The following DNAJC6 variants were observed in gnomAD, a reference collection of about 807,000 sequenced individuals.
DNAJC6 encodes the protein auxilin.
A neutral mutation model predicts 110.0 loss-of-function variants in DNAJC6; 34 were observed. That is an observed-to-expected ratio of 0.31 (90% CI 0.24 to 0.41). The LOEUF is 0.41. DNAJC6 is among the 10% of genes least tolerant of loss of function. The pLI, the probability that DNAJC6 is intolerant of heterozygous loss-of-function variation, is 1.00. For synonymous variants in DNAJC6, 406 were observed against 437.2 expected (o/e 0.93, Z 0.89); for missense variants, 1,031 against 1,207.8 (o/e 0.85, Z 2.17).
intron 1 of DNAJC6, among the ~76,000 whole-genome samples, chr1:65,335,095 C>T (rs916601799): frequency 6.6e-6 from 1 of 151,044 alleles, no homozygotes; most frequent in African/African-American, 2.4e-5. Flanking sequence ...GTGATCAAAT[C>T]AACTATGTCT....
intron 6 of DNAJC6, among the ~76,000 whole-genome samples, chr1:65,385,157 G>A (rs1193887865): frequency 6.6e-6 from 1 of 152,142 alleles, no homozygotes; most frequent in Non-Finnish European, 1.5e-5. Flanking sequence ...AAAGGGAAAT[G>A]CAAAAATACA....
intron 1 of DNAJC6, among the ~76,000 whole-genome samples, chr1:65,350,367 G>T (rs6588134): frequency 0.72 from 110,189 of 152,146 alleles, 41,318 homozygotes; most frequent in African/African-American, 0.93. Flanking sequence ...TTCTTTGCTG[G>T]TAGCTCATTA....
At position 65,337,193 on chromosome 1, in the gene DNAJC6, G is replaced by A. The variant is rs181910158; in HGVS notation, c.193+27255G>A. On this transcript the variant is annotated intron_variant, in intron 1 of 18. Coordinates refer to ENST00000371069, the MANE Select transcript of DNAJC6 (RefSeq NM_001256864.2). ...TTTTTGCAAGACTATCTCGTAGGTC[G>A]TGTTTTGTATTTCCATCGGGGATAT... 2.0e-3 allele frequency among the ~76,000 whole-genome samples: 295 copies of A among 148,768 alleles called. 1 individual carries two copies. The highest frequency in any genetic ancestry group is 7.1e-3 in the African/African-American group (284 of 40,262).
intron 1 of DNAJC6, among the ~76,000 whole-genome samples, chr1:65,322,396 A>G (rs1031367344): frequency 1.3e-5 from 2 of 152,206 alleles, no homozygotes; most frequent in African/African-American, 4.8e-5. Context: ...TATATAATGT[A>G]CACTTGAATT....
chr1:65,387,305 A>G (rs1052034246), intron 8 of DNAJC6, among the ~76,000 whole-genome samples: 1 of 152,260 alleles, frequency 6.6e-6, no homozygotes, highest in Non-Finnish European at 1.5e-5. Flanking sequence ...AAAAATTGAG[A>G]TAAAACCACA....
At chr1:65,380,904 G>GTTTTT (rs1557551972) in intron 5 of DNAJC6, among the ~76,000 whole-genome samples, 10 of 107,050 alleles carry the variant, frequency 9.3e-5, no homozygotes, top group African/African-American at 5.0e-4. Context: ...TTTTTTTTTT[G>GTTTTT]TTTTTTGTTT....
chr1:65,332,989 C>G (rs1299335351), intron 1 of DNAJC6, among the ~76,000 whole-genome samples: 1 of 152,092 alleles, frequency 6.6e-6, no homozygotes, highest in African/African-American at 2.4e-5. Context: ...ATGGTGGATT[C>G]TTTTATTTAC....
At chr1:65,292,728 C>T (rs1056241676) in intron 1 of DNAJC6, among the ~76,000 whole-genome samples, 5 of 152,162 alleles carry the variant, frequency 3.3e-5, no homozygotes, top group Non-Finnish European at 7.3e-5. Flanking sequence ...AGCCATTAGA[C>T]CCAGCCAGTT....
chr1:65,371,638 C>T (rs1645707155), intron 4 of DNAJC6, among the ~76,000 whole-genome samples: 1 of 152,166 alleles, frequency 6.6e-6, no homozygotes, highest in Admixed American at 6.6e-5. Context: ...TTCTGCCCAT[C>T]CTGTCTTGGG....
intron 1 of DNAJC6, among the ~76,000 whole-genome samples, chr1:65,330,134 C>T (rs190051037): frequency 6.6e-6 from 1 of 152,300 alleles, no homozygotes; most frequent in East Asian, 1.9e-4. Context: ...AGTCTTTCCT[C>T]ATGAGATGGG....
Position 65,337,211 on chromosome 1 carries a change from G to A in DNAJC6, c.193+27273G>A, listed in dbSNP as rs76646528. ...GTAGGTCGTGTTTTGTATTTCCATC[G>A]GGGATATACAATGTGTGGTTGTTTC... On this transcript the variant is annotated intron_variant, in intron 1 of 18. Coordinates refer to ENST00000371069, the MANE Select transcript of DNAJC6 (RefSeq NM_001256864.2). Among the ~76,000 whole-genome samples the A allele has an allele frequency of 4.2e-3, 629 of 149,318 alleles. 5 individuals are homozygous for A. Among genetic ancestry groups the A allele is most frequent in the African/African-American group, 0.015 (613 of 40,454 alleles).
intron 1 of DNAJC6, among the ~76,000 whole-genome samples, chr1:65,311,768 A>G (rs1470409235): frequency 1.3e-5 from 2 of 152,238 alleles, no homozygotes; most frequent in African/African-American, 4.8e-5. Context: ...AATGAAAGAA[A>G]TATGAAATAC....
chr1:65,389,760 C>A, intron 11 of DNAJC6, 133 bp downstream of exon 11: 1 of 936,250 alleles, frequency 1.1e-6, no homozygotes, highest in Non-Finnish European at 1.6e-6. Flanking sequence ...CGGACTCCCA[C>A]CTGTAAGCCC....
intron 1 of DNAJC6, among the ~76,000 whole-genome samples, chr1:65,345,274 CCCATTAGGATCTCCT>C (rs1645426877): frequency 6.8e-6 from 1 of 147,928 alleles, no homozygotes; most frequent in South Asian, 2.1e-4. Context: ...GTGTATTTTG[CCCATTAGGATCTCCT>C]CCACTTTCCC....
At chr1:65,337,363 A>T (rs1645347695) in intron 1 of DNAJC6, among the ~76,000 whole-genome samples, 1 of 150,642 alleles carries the variant, frequency 6.6e-6, no homozygotes, top group Admixed American at 6.6e-5. Context: ...ATATTTGGTT[A>T]TCCTGGAGTA....
chr1:65,370,547 T>C (rs10158872), intron 4 of DNAJC6, among the ~76,000 whole-genome samples: 100,850 of 152,030 alleles, frequency 0.66, 34,169 homozygotes, highest in African/African-American at 0.82. Flanking sequence ...GAATGTACAC[T>C]AAGTCTAACC....
At chr1:65,332,237 C>G (rs1645295544) in intron 1 of DNAJC6, among the ~76,000 whole-genome samples, 3 of 152,156 alleles carry the variant, frequency 2.0e-5, no homozygotes, top group Admixed American at 2.0e-4. Flanking sequence ...GGTTAACTCT[C>G]TTTTCCAGCT....
In DNAJC6 at chr1:65,364,749, A is replaced by G; in HGVS notation, c.308A>G (p.Lys103Arg). The change falls in exon 2 of 19, where the codon AAA becomes AGA. Residue 103 changes from lysine (K) to arginine (R), a missense_variant. By Grantham distance (26) the Lys-to-Arg change is conservative (BLOSUM62 2). Coordinates refer to ENST00000371069, the MANE Select transcript of DNAJC6 (RefSeq NM_001256864.2). ...NLKDNLKDTL[K>R]DTSSRVIQSV... The stretch of plus-strand genomic sequence containing the variant: ...AAGGACAACTTGAAAGACACCCTCA[A>G]AGACACATCTTCTAGAGTGATACAA... 6.2e-7 allele frequency: 1 copy of G among 1,613,366 alleles called. No homozygotes were observed. Among genetic ancestry groups the G allele is most frequent in the East Asian group, 2.2e-5 (1 of 44,852 alleles).
intron 1 of DNAJC6, among the ~76,000 whole-genome samples, chr1:65,329,217 A>G (rs991471653): frequency 6.6e-6 from 1 of 152,124 alleles, no homozygotes. Context: ...ATTGTGCCCA[A>G]TTCCAGCCTT....
Sources: allele counts gnomAD v4.1 joint callset (sites outside exome capture counted in the v4.1 genomes callset), GRCh38; gene constraint gnomAD v4.1.1; transcripts MANE v1.5; gene names NCBI Gene and HGNC (gene_info 2026-07-23, HGNC 2026-07-21).